MYO18B: variants seen among roughly 807,000 people sequenced by gnomAD.
The protein encoded by MYO18B is myosin XVIIIB, also known as unconventional myosin-XVIIIb.
A neutral mutation model predicts 273.0 loss-of-function variants in MYO18B; 204 were observed. The observed-to-expected ratio is 0.75, with a 90% CI of 0.67 to 0.84. The LOEUF is 0.84. Among genes scored for constraint, MYO18B ranks in the 40% least tolerant of loss-of-function variants. The pLI is 0.00. For missense variants in MYO18B, 3,212 were observed against 3,287.6 expected (o/e 0.98, Z 0.56); for synonymous variants, 1,330 against 1,305.7 (o/e 1.02, Z -0.40).
chr22:26,001,033 C>T (rs1298791729), intron 40 of MYO18B, among the ~76,000 whole-genome samples: 2 of 151,844 alleles, frequency 1.3e-5, no homozygotes, highest in African/African-American at 4.8e-5. Context: ...TAAGGATTGC[C>T]GATAATCTTA....
chr22:25,800,149 A>T (rs7289547), intron 12 of MYO18B, among the ~76,000 whole-genome samples: 7 of 151,876 alleles, frequency 4.6e-5, no homozygotes, highest in Admixed American at 3.9e-4. Context: ...ATGCAAAGGC[A>T]TAAGAATGAT....
At chr22:25,763,520 C>G in intron 3 of MYO18B, 131 bp downstream of exon 3, 1 of 1,102,502 alleles carries the variant, frequency 9.1e-7, no homozygotes, top group East Asian at 2.6e-5. Context: ...GTCCTTTATT[C>G]AACTTGATCT....
intron 12 of MYO18B, among the ~76,000 whole-genome samples, chr22:25,800,672 G>A (rs895893450): frequency 1.3e-5 from 2 of 152,214 alleles, no homozygotes; most frequent in African/African-American, 2.4e-5. Flanking sequence ...AAGAGACAAG[G>A]AAGTTGAGAT....
At chr22:25,873,881 G>A (rs2091116821) in intron 22 of MYO18B, among the ~76,000 whole-genome samples, 1 of 152,196 alleles carries the variant, frequency 6.6e-6, no homozygotes, top group Non-Finnish European at 1.5e-5. Context: ...GCACTTTCCA[G>A]GTGGTGACCG....
chr22:25,921,515 C>A, intron 34 of MYO18B, 106 bp downstream of exon 34: 1 of 1,357,070 alleles, frequency 7.4e-7, no homozygotes, highest in Non-Finnish European at 1.0e-6. Context: ...TGCCAACCTC[C>A]AACTTTCACA....
chr22:25,812,629 A>G (rs1030573332), intron 12 of MYO18B, among the ~76,000 whole-genome samples: 23 of 152,170 alleles, frequency 1.5e-4, no homozygotes, highest in African/African-American at 5.1e-4. Context: ...GGCCTTGGAC[A>G]AGCAAGTTCA....
intron 39 of MYO18B, among the ~76,000 whole-genome samples, chr22:25,962,524 T>G (rs1309672712): frequency 6.6e-6 from 1 of 152,222 alleles, no homozygotes; most frequent in African/African-American, 2.4e-5. Context: ...AACTGTTGTT[T>G]GTATCTTACT....
chr22:25,893,014 A>G (rs899724292), intron 27 of MYO18B, among the ~76,000 whole-genome samples: 7 of 152,208 alleles, frequency 4.6e-5, no homozygotes, highest in African/African-American at 7.2e-5. Flanking sequence ...ACAATGCTAT[A>G]TAGGCTCTCA....
intron 39 of MYO18B, among the ~76,000 whole-genome samples, chr22:25,961,168 A>T (rs1171958627): frequency 6.6e-6 from 1 of 151,610 alleles, no homozygotes; most frequent in Admixed American, 6.6e-5. Flanking sequence ...ATTACGGTGA[A>T]CTATGGTTGC....
chr22:25,777,461 TG>T, intron 7 of MYO18B, 121 bp from the exon 8 acceptor site: 1 of 945,700 alleles, frequency 1.1e-6, no homozygotes, highest in Non-Finnish European at 1.5e-6. Context: ...GTCAGGGATC[TG>T]GAGGCAGATC....
At chr22:25,992,030 C>T (rs554951195) in intron 39 of MYO18B, among the ~76,000 whole-genome samples, 2 of 152,332 alleles carry the variant, frequency 1.3e-5, no homozygotes, top group South Asian at 4.1e-4. Context: ...ACTCCTCCAT[C>T]CAAGATGGGC....
chr22:25,824,589 G>A (rs1324131680), intron 13 of MYO18B, among the ~76,000 whole-genome samples: 1 of 152,104 alleles, frequency 6.6e-6, no homozygotes, highest in Non-Finnish European at 1.5e-5. Context: ...ATGAGTAGGA[G>A]TGTTGTGAGC....
At chr22:25,757,156 G>T (rs1449546849) in intron 1 of MYO18B, among the ~76,000 whole-genome samples, 1 of 152,108 alleles carries the variant, frequency 6.6e-6, no homozygotes, top group Non-Finnish European at 1.5e-5. Context: ...CTCTTATATG[G>T]CATACTATTC....
intron 12 of MYO18B, among the ~76,000 whole-genome samples, chr22:25,808,827 A>G (rs907004829): frequency 1.3e-5 from 2 of 152,174 alleles, no homozygotes; most frequent in African/African-American, 4.8e-5. Context: ...TGAGGCTGAC[A>G]TTATTGAACT....
chr22:25,785,461 C>T lies in MYO18B; in HGVS notation c.2346C>T (p.Ser782=). ...TGAACCTGCACCAGATGGCAGATAG[C>T]AGCTCCTTTGGCATGGGCGTGTGGT... ...TELNLHQMAD[S]SSFGMGVWSK... The change falls in exon 11 of 44, where the codon AGC becomes AGT. Residue 782 remains serine (S), a synonymous_variant. Transcript: ENST00000335473. 6.2e-7 allele frequency: 1 copy of T among 1,612,154 alleles called. No homozygotes were observed. The highest frequency in any genetic ancestry group is 8.5e-7 in the Non-Finnish European group (1 of 1,179,184).
intron 17 of MYO18B, among the ~76,000 whole-genome samples, chr22:25,843,360 G>A (rs1001038366): frequency 3.3e-5 from 5 of 151,998 alleles, no homozygotes; most frequent in Admixed American, 6.6e-5. Context: ...ACATCAAATC[G>A]GCAATATGAT....
rs1265213846 is a variant in MYO18B at position 25,853,976 on chromosome 22, G to A, written c.3885+2397G>A. Among the ~76,000 whole-genome samples, 6 of 152,274 alleles carry A rather than the reference G, an allele frequency of 3.9e-5. 1 individual carries two copies. In the East Asian group the frequency reaches 1.2e-3, roughly 29 times the overall value. On this transcript the variant is annotated intron_variant, in intron 21 of 43. Coordinates refer to ENST00000335473, the MANE Select transcript of MYO18B (RefSeq NM_032608.7). ...ACATGATATGCCATGAATTATACAT[G>A]AACACGTGCTTGGGTGGGCAAACTA...
chr22:25,790,241 A>G (rs980273118), intron 11 of MYO18B, among the ~76,000 whole-genome samples: 11 of 152,260 alleles, frequency 7.2e-5, no homozygotes, highest in African/African-American at 2.7e-4. Flanking sequence ...CTGTTTCCCT[A>G]ATGTCCATTT....
chr22:25,829,177 G>C (rs7284564), intron 15 of MYO18B, among the ~76,000 whole-genome samples: 1 of 152,012 alleles, frequency 6.6e-6, no homozygotes, highest in Non-Finnish European at 1.5e-5. Context: ...TCTGAACCCC[G>C]CAGCCCAGAA....
Sources: gnomAD v4.1 joint callset for allele counts (sites outside exome capture counted in the v4.1 genomes callset) on GRCh38, gnomAD v4.1.1 for gene constraint, MANE v1.5 for transcripts, NCBI Gene and HGNC (gene_info 2026-07-23, HGNC 2026-07-21) for gene names.